Variants in GPC4 observed in about 807,000 individuals in gnomAD.
GPC4 encodes glypican-4.
GPC4 carries 10 observed loss-of-function variants against 35.0 expected under a neutral mutation model. The ratio of observed to expected loss-of-function variants is 0.29; its 90% CI spans 0.18 to 0.48. The LOEUF is 0.48. Ranked by LOEUF, GPC4 falls within the 20% of genes least tolerant of loss-of-function variation. The probability of loss-of-function intolerance (pLI) is 0.99; values close to 1 mark genes in which losing one functional copy is unlikely to be tolerated. For synonymous variants in GPC4, 167 were observed against 170.2 expected (o/e 0.98, Z 0.15); for missense variants, 322 against 451.3 (o/e 0.71, Z 2.60).
chrX:133,333,773 T>C (rs1174923451), intron 2 of GPC4, among the ~76,000 whole-genome samples: 1 of 112,830 alleles, frequency 8.9e-6, no homozygotes, highest in African/African-American at 3.2e-5. Flanking sequence ...ACTCAGCCTA[T>C]GAAATGTTGC....
At position 133,303,023 on chromosome X, in the gene GPC4, C is replaced by A; in HGVS notation, c.1515G>T (p.Gln505His). ...GEGSGSGCEY[Q>H]QCPSEFDYNA... ...TGTAGTCAAACTCTGAAGGGCACTG[C>A]TGATACTCACAGCCACTTCCACTTC... Residue 505 changes from glutamine (Q) to histidine (H), a missense_variant, in exon 9 of 9, where the codon CAG becomes CAT. Coordinates refer to ENST00000370828, the MANE Select transcript of GPC4 (RefSeq NM_001448.3). 1 of 1,211,527 alleles carries A rather than the reference C, an allele frequency of 8.3e-7. No homozygotes were observed. The highest frequency in any genetic ancestry group is 1.1e-6 in the Non-Finnish European group (1 of 895,420).
At chrX:133,313,573 T>C (rs1424967836) in intron 3 of GPC4, among the ~76,000 whole-genome samples, 3 of 111,651 alleles carry the variant, frequency 2.7e-5, no homozygotes, top group Non-Finnish European at 5.6e-5. Context: ...CCCTCTCCTT[T>C]TGTAAAGGAG....
chrX:133,337,443 C>A, intron 2 of GPC4, among the ~76,000 whole-genome samples: 1 of 111,401 alleles, frequency 9.0e-6, no homozygotes, highest in Non-Finnish European at 1.9e-5. Flanking sequence ...GGCTCCCTGC[C>A]AGGAAGATAC....
At chrX:133,387,108 C>T (rs1020831348) in intron 1 of GPC4, among the ~76,000 whole-genome samples, 3 of 112,176 alleles carry the variant, frequency 2.7e-5, no homozygotes, top group African/African-American at 9.7e-5. Flanking sequence ...TGTACCCCGA[C>T]AGGATCCTGT....
chrX:133,360,068 A>C (rs749002286), intron 1 of GPC4, among the ~76,000 whole-genome samples: 4 of 111,093 alleles, frequency 3.6e-5, no homozygotes, highest in Non-Finnish European at 5.7e-5. Flanking sequence ...TATTTTGGCA[A>C]AGGAGAAAAA....
At chrX:133,408,500 A>G (rs2068799016) in intron 1 of GPC4, among the ~76,000 whole-genome samples, 1 of 112,091 alleles carries the variant, frequency 8.9e-6, no homozygotes, top group Non-Finnish European at 1.9e-5. Context: ...GCACTTTGGG[A>G]GGCCGAGGTG....
intron 1 of GPC4, among the ~76,000 whole-genome samples, chrX:133,373,985 G>A (rs1408263784): frequency 9.0e-6 from 1 of 110,885 alleles, no homozygotes; most frequent in Non-Finnish European, 1.9e-5. Context: ...ACTGCTAATG[G>A]TACACAGTTA....
chrX:133,323,691 A>G (rs1296076450), intron 3 of GPC4, among the ~76,000 whole-genome samples: 1 of 112,168 alleles, frequency 8.9e-6, no homozygotes, highest in East Asian at 2.8e-4. Flanking sequence ...ACACTTTCTA[A>G]CAAGGAAACA....
At chrX:133,361,125 A>T (rs915554698) in intron 1 of GPC4, among the ~76,000 whole-genome samples, 3 of 112,435 alleles carry the variant, frequency 2.7e-5, no homozygotes, top group Non-Finnish European at 5.6e-5. Context: ...TATAGGCTGC[A>T]ACTTAACAGC....
intron 1 of GPC4, among the ~76,000 whole-genome samples, chrX:133,386,284 C>T (rs2068689772): frequency 9.3e-6 from 1 of 107,138 alleles, no homozygotes; most frequent in South Asian, 4.1e-4. Flanking sequence ...GATGATTCTA[C>T]CAGGGACACA....
At chrX:133,361,698 A>G (rs1041259270) in intron 1 of GPC4, among the ~76,000 whole-genome samples, 11 of 112,202 alleles carry the variant, frequency 9.8e-5, no homozygotes, top group Non-Finnish European at 1.3e-4. Flanking sequence ...CTCCAGGGAA[A>G]TGAAATGATA....
intron 1 of GPC4, among the ~76,000 whole-genome samples, chrX:133,396,667 T>A (rs1168692431): frequency 8.9e-6 from 1 of 111,924 alleles, no homozygotes; most frequent in African/African-American, 3.2e-5. Flanking sequence ...CTCTCGTTAA[T>A]ATGGTCGATT....
At chrX:133,369,092 C>T (rs1161305710) in intron 1 of GPC4, among the ~76,000 whole-genome samples, 2 of 111,784 alleles carry the variant, frequency 1.8e-5, no homozygotes, top group Admixed American at 9.5e-5. Flanking sequence ...TAATCTTAGT[C>T]TACTCACAAT....
At chrX:133,342,032 ATT>A (rs975355748) in intron 1 of GPC4, among the ~76,000 whole-genome samples, 1,841 of 72,785 alleles carry the variant, frequency 0.025, 45 homozygotes, top group African/African-American at 0.089. Flanking sequence ...TTTTGGCACT[ATT>A]TTTTTTTTTT....
Position 133,302,965 on chromosome X carries a change from C to T in GPC4, c.1573G>A (p.Glu525Lys), listed in dbSNP as rs867628982. The change falls in exon 9 of 9, where the codon GAG becomes AAG. Residue 525 changes from glutamate to lysine, a missense_variant. This residue lies in a region of GPC4 where 99 missense variants were observed against 110.0 expected (regional missense o/e 0.90). Transcript: ENST00000370828. ...CGGACACCAGCACTGTCGGCTTTCT[C>T]ATTGGCACTCTTCCCAGCATGGTCA... ...ATDHAGKSAN[E>K]KADSAGVRPG... is the part of the protein sequence containing the mutation. The T allele has an allele frequency of 8.3e-7, 1 of 1,211,683 alleles. No individual in the cohort carries two copies. Among genetic ancestry groups the T allele is most frequent in the Middle Eastern group, 2.3e-4 (1 of 4,356 alleles).
intron 1 of GPC4, among the ~76,000 whole-genome samples, chrX:133,347,168 C>T (rs998376791): frequency 1.6e-4 from 17 of 103,356 alleles, no homozygotes; most frequent in South Asian, 1.4e-3. Flanking sequence ...ATGTTAATAA[C>T]GGGATACTGG....
rs182947077 is a variant in GPC4, at chrX:133,349,276, A to C, written c.161-9935T>G. 2.7e-5 allele frequency among the ~76,000 whole-genome samples: 3 copies of C among 112,393 alleles called. No homozygotes were observed. In the Admixed American group the frequency reaches 2.8e-4, roughly 11 times the overall value. On this transcript the variant is annotated intron_variant, in intron 1 of 8. Coordinates refer to ENST00000370828, the MANE Select transcript of GPC4 (RefSeq NM_001448.3). ...ATCACAGAAGACCTCGGAGAAAGCA[A>C]AAGGAAGAAGGTATCCTCAGGAAGA...
At chrX:133,362,899 A>G (rs933242538) in intron 1 of GPC4, among the ~76,000 whole-genome samples, 1 of 111,864 alleles carries the variant, frequency 8.9e-6, no homozygotes, top group African/African-American at 3.3e-5. Flanking sequence ...GCTGTCTCCC[A>G]CTACAAAGAA....
intron 1 of GPC4, among the ~76,000 whole-genome samples, chrX:133,349,041 A>T (rs1352284260): frequency 1.8e-5 from 2 of 112,217 alleles, no homozygotes; most frequent in African/African-American, 6.5e-5. Context: ...ATTGGTGAGG[A>T]CTTTTTTTCC....
Sources: allele counts gnomAD v4.1 joint callset (sites outside exome capture counted in the v4.1 genomes callset), GRCh38; gene constraint gnomAD v4.1.1; regional missense constraint gnomAD v4.1.1; transcripts MANE v1.5; gene names NCBI Gene and HGNC (gene_info 2026-07-23, HGNC 2026-07-21).